Variants in ZNF521 observed in about 807,000 individuals in gnomAD.
The protein encoded by ZNF521 is LYST-interacting protein 3.
ZNF521 carries 14 observed loss-of-function variants against 105.5 expected under a neutral mutation model. The observed-to-expected ratio is 0.13, with a 90% CI of 0.09 to 0.21. The LOEUF is 0.21. Among genes scored for constraint, ZNF521 ranks in the 10% least tolerant of loss-of-function variants. ZNF521 has a pLI of 1.00. For missense variants in ZNF521, 1,233 were observed against 1,629.7 expected (o/e 0.76, Z 4.19); for synonymous variants, 635 against 606.0 (o/e 1.05, Z -0.70).
intron 3 of ZNF521, among the ~76,000 whole-genome samples, chr18:25,319,788 C>A (rs1055540123): frequency 2.6e-5 from 4 of 152,136 alleles, no homozygotes; most frequent in African/African-American, 9.7e-5. Flanking sequence ...TGGTAACAAA[C>A]TAACATCATG....
At chr18:25,233,758 GAGATAAGGAGT>G (rs1906693302) in intron 3 of ZNF521, among the ~76,000 whole-genome samples, 2 of 145,918 alleles carry the variant, frequency 1.4e-5, no homozygotes, top group South Asian at 4.4e-4. Flanking sequence ...AGCCAACAAA[GAGATAAGGAGT>G]TGTTATCACA....
intron 4 of ZNF521, among the ~76,000 whole-genome samples, chr18:25,218,949 G>A (rs149337825): frequency 9.2e-4 from 140 of 151,902 alleles, no homozygotes; most frequent in African/African-American, 2.7e-3. Context: ...CCCCCAAGAC[G>A]GCAAGACCAA....
At chr18:25,158,299 T>C (rs987506236) in intron 5 of ZNF521, among the ~76,000 whole-genome samples, 1 of 152,064 alleles carries the variant, frequency 6.6e-6, no homozygotes, top group Non-Finnish European at 1.5e-5. Flanking sequence ...TATATTTGCA[T>C]AAATTTTTTA....
intron 3 of ZNF521, among the ~76,000 whole-genome samples, chr18:25,261,794 C>A (rs990945325): frequency 6.6e-6 from 1 of 152,052 alleles, no homozygotes; most frequent in Non-Finnish European, 1.5e-5. Context: ...TAAAGGAAAG[C>A]GGCTCTGCTG....
chr18:25,230,589 G>A (rs189234366), intron 3 of ZNF521, among the ~76,000 whole-genome samples: 25 of 141,392 alleles, frequency 1.8e-4, no homozygotes, highest in Admixed American at 1.4e-3. Context: ...CTTTTTACAC[G>A]TGGAAGAAAC....
chr18:25,222,773 G>C (rs1905816143), intron 4 of ZNF521, among the ~76,000 whole-genome samples: 1 of 152,136 alleles, frequency 6.6e-6, no homozygotes, highest in Admixed American at 6.5e-5. Context: ...ATCTAAATAT[G>C]AACCTCTTAC....
chr18:25,062,843 A>G (rs1192504320), intron 7 of ZNF521, 102 bp from the exon 8 acceptor site: 2 of 1,109,478 alleles, frequency 1.8e-6, no homozygotes, highest in Non-Finnish European at 2.5e-6. Flanking sequence ...AAGCATATAT[A>G]CATGTAATTA....
At chr18:25,106,456 T>A (rs574943650) in intron 5 of ZNF521, among the ~76,000 whole-genome samples, 1 of 151,752 alleles carries the variant, frequency 6.6e-6, no homozygotes, top group Non-Finnish European at 1.5e-5. Context: ...AATTGATGTT[T>A]AAAAAAAAAT....
intron 2 of ZNF521, among the ~76,000 whole-genome samples, chr18:25,336,425 A>G (rs550782986): frequency 6.6e-6 from 1 of 152,332 alleles, no homozygotes; most frequent in South Asian, 2.1e-4. Context: ...CCCAAGAACA[A>G]TTAGACTACC....
At chr18:25,073,558 C>T (rs544754481) in intron 7 of ZNF521, among the ~76,000 whole-genome samples, 30 of 152,146 alleles carry the variant, frequency 2.0e-4, no homozygotes, top group African/African-American at 7.0e-4. Context: ...CTCTGGTCCA[C>T]CAGATTCAAA....
chr18:25,062,859 T>G, intron 7 of ZNF521, 118 bp from the exon 8 acceptor site: 1 of 988,346 alleles, frequency 1.0e-6, no homozygotes, highest in African/African-American at 1.7e-5. Context: ...AATTAATTCA[T>G]AATGACTTGA....
intron 5 of ZNF521, among the ~76,000 whole-genome samples, chr18:25,155,858 C>G (rs951375323): frequency 1.3e-5 from 2 of 152,028 alleles, no homozygotes; most frequent in Non-Finnish European, 2.9e-5. Flanking sequence ...GGACATTGTG[C>G]TAAATGAAAT....
Position 25,116,964 on chromosome 18 carries a change from T to TATATATACGTATATATATAC in ZNF521, c.3659-24884_3659-24883insGTATATATATACGTATATAT, listed in dbSNP as rs2034329575. 3.0e-5 allele frequency among the ~76,000 whole-genome samples: 3 copies of TATATATACGTATATATATAC among 100,776 alleles called. No individual in the cohort carries two copies. In the South Asian group the frequency reaches 1.3e-3, roughly 43 times the overall value. The allele number at this position is 100,776 out of a possible 152,430, so 66.1% of individuals were successfully genotyped here. On this transcript the variant is annotated intron_variant, in intron 5 of 7. Transcript: ENST00000361524. ...ATATACACATATATATGTATATATG[T>TATATATACGTATATATATAC]ATATATATGTATATATATATACACA...
chr18:25,159,608 G>C (rs997064054), intron 5 of ZNF521, among the ~76,000 whole-genome samples: 2 of 152,216 alleles, frequency 1.3e-5, no homozygotes, highest in Non-Finnish European at 2.9e-5. Context: ...GCTAGGTACT[G>C]ATTGAGTGGG....
At chr18:25,278,249 C>T (rs921488176) in intron 3 of ZNF521, among the ~76,000 whole-genome samples, 5 of 152,088 alleles carry the variant, frequency 3.3e-5, no homozygotes, top group East Asian at 1.9e-4. Flanking sequence ...AGTCCTCTAC[C>T]GAGAATCCAA....
At chr18:25,126,042 C>T (rs1191202411) in intron 5 of ZNF521, among the ~76,000 whole-genome samples, 1 of 151,896 alleles carries the variant, frequency 6.6e-6, no homozygotes, top group Non-Finnish European at 1.5e-5. Context: ...AATTTGGATC[C>T]TAGGAAGAGC....
intron 3 of ZNF521, among the ~76,000 whole-genome samples, chr18:25,246,298 T>G (rs1020558804): frequency 6.6e-6 from 1 of 152,210 alleles, no homozygotes; most frequent in Non-Finnish European, 1.5e-5. Context: ...TAGCTATAAA[T>G]GAGTTTGTTG....
At chr18:25,344,130 C>A (rs907278249) in intron 2 of ZNF521, among the ~76,000 whole-genome samples, 3 of 149,274 alleles carry the variant, frequency 2.0e-5, no homozygotes, top group African/African-American at 5.0e-5. Context: ...ACTAAACTGG[C>A]ATAATTACTT....
intron 2 of ZNF521, among the ~76,000 whole-genome samples, chr18:25,349,056 CT>C (rs780383212): frequency 2.3e-3 from 345 of 147,646 alleles, no homozygotes; most frequent in African/African-American, 7.4e-3. Context: ...CTTTAATAAA[CT>C]TTTTTTTTTT....
Sources: gnomAD v4.1 joint callset for allele counts (sites outside exome capture counted in the v4.1 genomes callset) on GRCh38, gnomAD v4.1.1 for gene constraint, MANE v1.5 for transcripts, NCBI Gene and HGNC (gene_info 2026-07-23, HGNC 2026-07-21) for gene names.